Variants in PHACTR1 observed in about 807,000 individuals in gnomAD.
The protein encoded by PHACTR1 is RPEL repeat containing 1.
PHACTR1 carries 16 observed loss-of-function variants against 69.2 expected under a neutral mutation model. The observed-to-expected ratio is 0.23, with a 90% confidence interval of 0.16 to 0.35. PHACTR1 has a LOEUF of 0.35. Ranked by LOEUF, PHACTR1 falls within the 10% of genes least tolerant of loss-of-function variation. The pLI, the probability that PHACTR1 is intolerant of heterozygous loss-of-function variation, is 1.00. For missense variants in PHACTR1, 510 were observed against 734.7 expected, an observed-to-expected ratio of 0.69 and a Z score of 3.54; for synonymous variants, 312 against 284.5, an observed-to-expected ratio of 1.10 and a Z score of -0.97.
chr6:13,086,626 G>A (rs368926663), intron 5 of PHACTR1, among the ~76,000 whole-genome samples: 1 of 152,118 alleles, frequency 6.6e-6, no homozygotes, highest in Admixed American at 6.6e-5. Context: ...AGATTCATCT[G>A]TGTTATGGTG....
At position 13,280,930 on chromosome 6, in the gene PHACTR1, C is replaced by G. The variant is rs767558448; in HGVS notation, c.1510-2492C>G. 3.9e-6 allele frequency: 5 copies of G among 1,286,068 alleles called. No homozygotes were observed. The African/African-American group carries it at 7.6e-5, about 20-fold the overall frequency. 79.7% of individuals were successfully genotyped at this position (1,286,068 alleles called of 1,614,324 possible). A position where few individuals can be genotyped will look rare whatever the true frequency, so the allele number is the denominator to read the frequency against. ...TCGTGGTCAGGGACATGAGCCCATG[C>G]ACACAGAGGAGCGTCCTGGTGGCCG... On this transcript the variant is annotated intron_variant, in intron 12 of 14. Transcript: ENST00000332995.
intron 10 of PHACTR1, among the ~76,000 whole-genome samples, chr6:13,257,621 T>C (rs964146626): frequency 4.6e-5 from 7 of 152,172 alleles, no homozygotes; most frequent in African/African-American, 1.7e-4. Flanking sequence ...AACACAAATC[T>C]CACGTTTTCC....
intron 4 of PHACTR1, among the ~76,000 whole-genome samples, chr6:12,876,668 AG>A (rs1782554879): frequency 6.6e-6 from 1 of 152,264 alleles, no homozygotes; most frequent in Admixed American, 6.5e-5. Context: ...AACAAAAAAA[AG>A]TCCTAAACTT....
At chr6:13,070,938 A>G (rs531029570) in intron 5 of PHACTR1, among the ~76,000 whole-genome samples, 1 of 152,144 alleles carries the variant, frequency 6.6e-6, no homozygotes, top group African/African-American at 2.4e-5. Context: ...CAATGAATTA[A>G]TGAGGATTTG....
chr6:12,915,506 CAAAAAAAAAAAAAAGAAAAAAAA>C (rs980519479), intron 4 of PHACTR1, among the ~76,000 whole-genome samples: 57 of 50,242 alleles, frequency 1.1e-3, no homozygotes, highest in African/African-American at 3.8e-3. Context: ...AACTCTCTCT[CAAAAAAAAAAAAAAGAAAAAAAA>C]AAAAAACAGG....
chr6:13,159,664 G>A (rs949851138), intron 5 of PHACTR1, among the ~76,000 whole-genome samples: 4 of 152,236 alleles, frequency 2.6e-5, no homozygotes, highest in African/African-American at 9.6e-5. Flanking sequence ...TACCTTGGCT[G>A]GGCACAGTGG....
At chr6:12,816,251 C>T (rs1463563771) in intron 4 of PHACTR1, among the ~76,000 whole-genome samples, 1 of 152,202 alleles carries the variant, frequency 6.6e-6, no homozygotes, top group Non-Finnish European at 1.5e-5. Context: ...GAGATGTGAA[C>T]CACTTACCCT....
At chr6:13,167,512 A>G (rs1409210241) in intron 6 of PHACTR1, among the ~76,000 whole-genome samples, 1 of 152,226 alleles carries the variant, frequency 6.6e-6, no homozygotes, top group Admixed American at 6.5e-5. Context: ...GCCTGCCGTG[A>G]GATCAGTGAA....
At chr6:12,931,942 C>T (rs1333323633) in intron 4 of PHACTR1, among the ~76,000 whole-genome samples, 1 of 151,746 alleles carries the variant, frequency 6.6e-6, no homozygotes, top group African/African-American at 2.4e-5. Context: ...CCTCTATAGA[C>T]CGGTGGTTCC....
chr6:12,808,574 T>G (rs1774625074), intron 4 of PHACTR1, among the ~76,000 whole-genome samples: 1 of 152,194 alleles, frequency 6.6e-6, no homozygotes. Context: ...AGGAAGATAT[T>G]GTAAGTGACA....
In PHACTR1 at chr6:13,283,701, C is replaced by T; in HGVS notation, c.1650+139C>T. The T allele has an allele frequency of 8.0e-7, 1 of 1,246,674 alleles. No homozygotes were observed. The highest frequency in any genetic ancestry group is 1.1e-6 in the Non-Finnish European group (1 of 878,388). The allele number at this position is 1,246,674 out of a possible 1,614,324, so 77.2% of individuals were successfully genotyped here. A position where few individuals can be genotyped will look rare whatever the true frequency, so the allele number is the denominator to read the frequency against. ...CCATAATGGAGTGTTGAGACCCCAA[C>T]ACCTTTCCCCAGGGGCCACAGATAA... On this transcript the variant is annotated intron_variant, in intron 13 of 14. Coordinates refer to ENST00000332995, the MANE Select transcript of PHACTR1 (RefSeq NM_030948.6). This position sits in a 1 kb window ranked among gnomAD's most constrained non-coding sequence, Gnocchi z 4.7.
chr6:12,947,338 C>G (rs376142440), intron 4 of PHACTR1, among the ~76,000 whole-genome samples: 16 of 123,262 alleles, frequency 1.3e-4, no homozygotes, highest in African/African-American at 5.3e-4. Context: ...CATAACTATT[C>G]TGCTTTTTTT....
chr6:12,922,502 C>T (rs34343839), intron 4 of PHACTR1, among the ~76,000 whole-genome samples: 44,627 of 151,944 alleles, frequency 0.29, 7,053 homozygotes, highest in Middle Eastern at 0.38. Context: ...AGTTCTCATC[C>T]TAACCTAAAA....
intron 4 of PHACTR1, among the ~76,000 whole-genome samples, chr6:12,769,336 T>A (rs1769085157): frequency 6.6e-6 from 1 of 152,238 alleles, no homozygotes; most frequent in Non-Finnish European, 1.5e-5. Context: ...TGCACAATTA[T>A]TATGTGTCAA....
At chr6:12,726,529 G>A (rs954583283) in intron 3 of PHACTR1, among the ~76,000 whole-genome samples, 1 of 152,138 alleles carries the variant, frequency 6.6e-6, no homozygotes, top group African/African-American at 2.4e-5. Context: ...GAAGGAAGGC[G>A]GGTGTAGACA....
At chr6:12,882,055 G>A (rs766140210) in intron 4 of PHACTR1, among the ~76,000 whole-genome samples, 51 of 152,152 alleles carry the variant, frequency 3.4e-4, no homozygotes, top group Non-Finnish European at 6.3e-4. Flanking sequence ...TGAACGATAA[G>A]AACAGGGCAT....
At chr6:13,285,135 C>T (rs977062741) in intron 13 of PHACTR1, among the ~76,000 whole-genome samples, 2 of 152,196 alleles carry the variant, frequency 1.3e-5, no homozygotes, top group Non-Finnish European at 2.9e-5. Flanking sequence ...GCAAGAAAAC[C>T]ACAGACATCT....
intron 10 of PHACTR1, chr6:13,272,654 G>C: frequency 1.4e-6 from 2 of 1,453,106 alleles, no homozygotes; most frequent in South Asian, 2.9e-5. Context: ...GGGGGTCAGC[G>C]GCTGTGACAT....
chr6:13,014,095 A>G (rs1174408157), intron 4 of PHACTR1, among the ~76,000 whole-genome samples: 1 of 152,126 alleles, frequency 6.6e-6, no homozygotes, highest in Admixed American at 6.5e-5. Flanking sequence ...AAGGAGATCA[A>G]ACACATTTGC....
Sources: allele counts gnomAD v4.1 joint callset (sites outside exome capture counted in the v4.1 genomes callset), GRCh38; gene constraint gnomAD v4.1.1; non-coding constraint Gnocchi (gnomAD v3.1); transcripts MANE v1.5; gene names NCBI Gene and HGNC (gene_info 2026-07-23, HGNC 2026-07-21).